Variants in ESRRB observed in about 807,000 individuals in gnomAD.
ESRRB encodes the protein estrogen related receptor beta, also known as steroid hormone receptor ERR2.
A neutral mutation model predicts 46.0 loss-of-function variants in ESRRB; 16 were observed. The ratio of observed to expected loss-of-function variants is 0.35; its 90% CI spans 0.24 to 0.53. The LOEUF is 0.53. Ranked by LOEUF, ESRRB falls within the 20% of genes least tolerant of loss-of-function variation. ESRRB has a pLI of 0.93. For synonymous variants in ESRRB, 246 were observed against 259.6 expected (o/e 0.95, Z 0.50); for missense variants, 488 against 607.4 (o/e 0.80, Z 2.07).
intron 1 of ESRRB, among the ~76,000 whole-genome samples, chr14:76,429,321 C>T (rs946496764): frequency 6.6e-6 from 1 of 152,158 alleles, no homozygotes; most frequent in African/African-American, 2.4e-5. Context: ...TCTCTGAGAA[C>T]TTATGATTCA....
At chr14:76,411,910 G>A (rs111327678) in intron 1 of ESRRB, among the ~76,000 whole-genome samples, 2 of 152,218 alleles carry the variant, frequency 1.3e-5, no homozygotes, top group African/African-American at 4.8e-5. Context: ...TAAACAATCT[G>A]TGTAATAAGC....
In ESRRB at chr14:76,452,612, T is replaced by A. The variant is rs1380490419; in HGVS notation, c.461-9933T>A. 3.3e-5 allele frequency among the ~76,000 whole-genome samples: 4 copies of A among 119,732 alleles called. No individual in the cohort carries two copies. In the South Asian group the frequency reaches 1.4e-3, roughly 41 times the overall value. The allele number at this position is 119,732 out of a possible 152,430, so 78.5% of individuals were successfully genotyped here. On this transcript the variant is annotated intron_variant, in intron 2 of 6. Coordinates refer to ENST00000644823, the MANE Select transcript of ESRRB (RefSeq NM_001379180.1). ...TCCAGCCTGGGCAACAGAGTGAGAC[T>A]CTGTCTCCAAAAAAAAAAACAAAAC...
intron 1 of ESRRB, among the ~76,000 whole-genome samples, chr14:76,393,448 A>G (rs1051956784): frequency 1.3e-5 from 2 of 152,230 alleles, no homozygotes; most frequent in Non-Finnish European, 2.9e-5. Flanking sequence ...TGGTCAGGCA[A>G]TGGATCTGTT....
At chr14:76,439,136 TG>T (rs1290195004) in intron 1 of ESRRB, among the ~76,000 whole-genome samples, 1 of 152,214 alleles carries the variant, frequency 6.6e-6, no homozygotes, top group Admixed American at 6.5e-5. Context: ...AAAGTTTCTT[TG>T]AGGCCTCCGA....
At chr14:76,371,727 G>A (rs943287362), upstream of ESRRB, 4 of 152,262 alleles carry the variant, frequency 2.6e-5, no homozygotes, top group Admixed American at 1.3e-4. Context: ...TGGATTTAGA[G>A]AGCATGTGGC....
chr14:76,490,328 A>G (rs1890176043), intron 5 of ESRRB, among the ~76,000 whole-genome samples: 1 of 152,240 alleles, frequency 6.6e-6, no homozygotes, highest in Non-Finnish European at 1.5e-5. Flanking sequence ...TTACTCTCCT[A>G]TAAATCAAGA....
intron 6 of ESRRB, among the ~76,000 whole-genome samples, chr14:76,493,224 G>C (rs540209159): frequency 6.6e-6 from 1 of 152,008 alleles, no homozygotes; most frequent in Admixed American, 6.6e-5. Flanking sequence ...ATGCAATCTC[G>C]GCTCACTGCA....
At chr14:76,401,393 G>A (rs1351731933) in intron 1 of ESRRB, among the ~76,000 whole-genome samples, 1 of 152,210 alleles carries the variant, frequency 6.6e-6, no homozygotes, top group Non-Finnish European at 1.5e-5. Flanking sequence ...CTTCGATTCT[G>A]ACCTTCAGCT....
intron 1 of ESRRB, among the ~76,000 whole-genome samples, chr14:76,347,562 G>A (rs952374456): frequency 1.0e-5 from 1 of 100,126 alleles, no homozygotes; most frequent in African/African-American, 3.6e-5. Context: ...GCATGTCATA[G>A]ACACTGAAAT....
At chr14:76,409,394 T>C (rs919979934) in intron 1 of ESRRB, among the ~76,000 whole-genome samples, 2 of 152,080 alleles carry the variant, frequency 1.3e-5, no homozygotes, top group African/African-American at 4.8e-5. Context: ...AGGATGTTAT[T>C]TGACTGTAGC....
At chr14:76,317,658 C>T (rs911225117) in intron 1 of ESRRB, among the ~76,000 whole-genome samples, 15 of 152,120 alleles carry the variant, frequency 9.9e-5, no homozygotes, top group African/African-American at 3.4e-4. Context: ...CCGCGGGCTC[C>T]GGTAGTCGGA....
chr14:76,417,504 G>A (rs77282621), intron 1 of ESRRB, among the ~76,000 whole-genome samples: 2,794 of 152,244 alleles, frequency 0.018, 43 homozygotes, highest in Non-Finnish European at 0.026. Context: ...AGTGGATGTG[G>A]TGTTATTAAT....
At chr14:76,462,025 C>G (rs1164427490) in intron 2 of ESRRB, among the ~76,000 whole-genome samples, 3 of 152,198 alleles carry the variant, frequency 2.0e-5, no homozygotes, top group South Asian at 2.1e-4. Context: ...GAAAGTATAT[C>G]CTCAAGGTTA....
intron 5 of ESRRB, among the ~76,000 whole-genome samples, chr14:76,489,489 CCT>C (rs1163959571): frequency 1.2e-4 from 7 of 56,480 alleles, no homozygotes; most frequent in South Asian, 1.1e-3. Context: ...ACCCTGATCC[CCT>C]GTCACAGCCT....
intron 1 of ESRRB, among the ~76,000 whole-genome samples, chr14:76,409,102 C>T (rs191104575): frequency 1.1e-4 from 16 of 152,286 alleles, no homozygotes; most frequent in Admixed American, 9.8e-4. Flanking sequence ...TGGGAACGCC[C>T]AGGCTTCCCC....
intron 2 of ESRRB, 32 bp downstream of exon 2, chr14:76,439,782 A>G: frequency 6.2e-7 from 1 of 1,609,198 alleles, no homozygotes; most frequent in African/African-American, 1.3e-5. Context: ...GCCTGGGCGC[A>G]GGGTTGGGGG....
intron 3 of ESRRB, among the ~76,000 whole-genome samples, chr14:76,473,881 G>A (rs1413397348): frequency 6.6e-6 from 1 of 152,212 alleles, no homozygotes; most frequent in African/African-American, 2.4e-5. Flanking sequence ...CTCCTCTCAA[G>A]GAGTTTCTGT....
rs142941184 is a variant in ESRRB at position 76,492,228 on chromosome 14, A to T, written c.1120+512A>T. On this transcript the variant is annotated intron_variant, in intron 6 of 6. Coordinates refer to ENST00000644823, the MANE Select transcript of ESRRB (RefSeq NM_001379180.1). ...GCCCAGGTAGGAGTGCTGTGGCTTG[A>T]TCCTAGCTCACTGCAGTCTCAAACT... 3.3e-5 allele frequency among the ~76,000 whole-genome samples: 5 copies of T among 152,302 alleles called. No individual in the cohort carries two copies. The East Asian group carries it at 9.6e-4, about 29-fold the overall frequency.
rs139811795 is a variant in ESRRB, at chr14:76,376,578, G to A, written c.50+127G>A. The A allele has an allele frequency of 3.7e-3, 2,201 of 594,306 alleles. 7 individuals carry two copies. The highest frequency in any genetic ancestry group is 4.8e-3 in the Non-Finnish European group (1,952 of 405,588). 36.8% of individuals were successfully genotyped at this position (594,306 alleles called of 1,614,324 possible). A position where few individuals can be genotyped will look rare whatever the true frequency, so the allele number is the denominator to read the frequency against. The stretch of plus-strand genomic sequence containing the variant: ...AAGGGACTTCGGGGGGGCACTTGGG[G>A]GACGAAGGAGGGGAAAAGCCGCACA... On this transcript the variant is annotated intron_variant, in intron 1 of 6. Transcript: ENST00000644823. The surrounding 1 kb of genome is among the most constrained non-coding windows in gnomAD (Gnocchi z 4.1).
Sources: gnomAD v4.1 joint callset for allele counts (sites outside exome capture counted in the v4.1 genomes callset) on GRCh38, gnomAD v4.1.1 for gene constraint, Gnocchi (gnomAD v3.1) non-coding constraint, MANE v1.5 for transcripts, NCBI Gene and HGNC (gene_info 2026-07-23, HGNC 2026-07-21) for gene names.